Variants in ABCA13 observed in about 807,000 individuals in gnomAD.
ABCA13 encodes ATP-binding cassette sub-family A member 13.
A neutral mutation model predicts 478.7 loss-of-function variants in ABCA13; 476 were observed. That is an observed-to-expected ratio of 0.99 (90% CI 0.92 to 1.07). ABCA13 has a LOEUF of 1.07. Ranked by LOEUF, ABCA13 falls within the 50% of genes least tolerant of loss-of-function variation. ABCA13 has a pLI of 0.00. For missense variants in ABCA13, 6,060 were observed against 5,910.6 expected, an observed-to-expected ratio of 1.03 and a Z score of -0.83; for synonymous variants, 2,252 against 2,158.9, an observed-to-expected ratio of 1.04 and a Z score of -1.20.
Position 48,276,576 on chromosome 7 carries a change from T to G in ABCA13, c.6899+11T>G. The G allele has an allele frequency of 6.2e-7, 1 of 1,607,048 alleles. No individual in the cohort carries two copies. The highest frequency in any genetic ancestry group is 8.5e-7 in the Non-Finnish European group (1 of 1,176,578). On this transcript the variant is annotated intron_variant, in intron 17 of 61. Transcript: ENST00000435803. Reference sequence around the variant, plus strand: ...TATTGCAGAGATGAGGTGAGTATACTTTTGCTTTGTGTCATATATGCAGTT... The same window carrying G: ...TATTGCAGAGATGAGGTGAGTATACGTTTGCTTTGTGTCATATATGCAGTT...
At chr7:48,405,495 CA>C (rs1028651149) in intron 39 of ABCA13, among the ~76,000 whole-genome samples, 1 of 152,226 alleles carries the variant, frequency 6.6e-6, no homozygotes, top group African/African-American at 2.4e-5. Flanking sequence ...ACCACCACTT[CA>C]AAAGATTGAT....
intron 5 of ABCA13, among the ~76,000 whole-genome samples, chr7:48,222,348 T>C (rs1787494656): frequency 6.6e-6 from 1 of 152,344 alleles, no homozygotes; most frequent in South Asian, 2.1e-4. Flanking sequence ...CTTGTGATGT[T>C]GTAGCTTACT....
chr7:48,580,109 C>A, intron 55 of ABCA13, 115 bp from the exon 56 acceptor site: 1 of 1,128,546 alleles, frequency 8.9e-7, no homozygotes, highest in Non-Finnish European at 1.2e-6. Context: ...GTGAAATGAA[C>A]TAATTGTTTT....
intron 42 of ABCA13, among the ~76,000 whole-genome samples, chr7:48,428,973 C>T (rs899214855): frequency 6.6e-6 from 1 of 152,172 alleles, no homozygotes; most frequent in Non-Finnish European, 1.5e-5. Flanking sequence ...CCATAGGCAA[C>T]CCCTAATGTA....
intron 4 of ABCA13, 139 bp downstream of exon 4, chr7:48,219,644 A>G: frequency 1.7e-6 from 2 of 1,155,832 alleles, no homozygotes; most frequent in Middle Eastern, 2.1e-4. Flanking sequence ...TTGATGGATG[A>G]GGCCAGCACC....
chr7:48,581,046 G>C (rs1788657246), intron 56 of ABCA13, among the ~76,000 whole-genome samples: 2 of 152,178 alleles, frequency 1.3e-5, no homozygotes, highest in South Asian at 4.1e-4. Flanking sequence ...TCAGGATGTT[G>C]TACCGTGAGC....
intron 42 of ABCA13, among the ~76,000 whole-genome samples, chr7:48,432,997 A>G (rs1822348220): frequency 6.6e-6 from 1 of 152,098 alleles, no homozygotes; most frequent in South Asian, 2.1e-4. Context: ...GAGGTATTGC[A>G]TATGTTGATT....
chr7:48,211,727 C>T (rs1477267411), intron 3 of ABCA13, among the ~76,000 whole-genome samples: 1 of 152,092 alleles, frequency 6.6e-6, no homozygotes, highest in Non-Finnish European at 1.5e-5. Context: ...AGCAGATTCT[C>T]ATCTAGCCTA....
chr7:48,295,962 T>C, intron 21 of ABCA13, 99 bp downstream of exon 21: 1 of 1,375,452 alleles, frequency 7.3e-7, no homozygotes, highest in South Asian at 1.8e-5. Context: ...GTGGTCTGTA[T>C]AATATACTCT....
intron 58 of ABCA13, among the ~76,000 whole-genome samples, chr7:48,608,588 A>G (rs568905955): frequency 3.3e-5 from 5 of 152,350 alleles, no homozygotes; most frequent in Non-Finnish European, 4.4e-5. Flanking sequence ...GTATATCAAC[A>G]GTGTCACTGG....
At chr7:48,396,997 T>G (rs1406614547) in intron 38 of ABCA13, among the ~76,000 whole-genome samples, 1 of 152,200 alleles carries the variant, frequency 6.6e-6, no homozygotes, top group Non-Finnish European at 1.5e-5. Context: ...CAGAATACGG[T>G]AGAGGCTTTT....
chr7:48,507,929 C>G lies in ABCA13; in HGVS notation c.13404C>G (p.Ile4468Met), dbSNP rs750287902. 2 of 1,613,412 alleles carry G rather than the reference C, an allele frequency of 1.2e-6. No individual in the cohort carries two copies. Among genetic ancestry groups the G allele is most frequent in the Admixed American group, 3.3e-5 (2 of 59,986 alleles). The stretch of plus-strand genomic sequence containing the variant: ...TCTGCATCGTGCTGGGATTCTCCAT[C>G]CTGTCTGCATCCATCGGCAGCTCTG... ...VALCIVLGFS[I>M]LSASIGSSVV... Residue 4468 changes from isoleucine to methionine, a missense_variant, in exon 50 of 62, where the codon ATC becomes ATG. Physicochemically the swap from Ile to Met is conservative, Grantham distance 10 (BLOSUM62 1). Around this residue, in one of 3 missense-constraint regions of ABCA13, gnomAD observed 1,627 missense variants for 1,571.0 expected, o/e 1.04. Coordinates refer to ENST00000435803, the MANE Select transcript of ABCA13 (RefSeq NM_152701.5).
In ABCA13 at chr7:48,463,708, G is replaced by A. The variant is rs550997570; in HGVS notation, c.12816-3248G>A. ...AAAGCTGGTTGGATCAGGAGAGGTC[G>A]AAAGACTGGAGCTGAGAGTGTAGGG... On this transcript the variant is annotated intron_variant, in intron 43 of 61. Transcript: ENST00000435803. 1.3e-4 allele frequency among the ~76,000 whole-genome samples: 20 copies of A among 152,034 alleles called. No individual in the cohort carries two copies. In the East Asian group the frequency reaches 3.9e-3, roughly 29 times the overall value.
At chr7:48,451,655 T>C (rs1296968042) in intron 42 of ABCA13, among the ~76,000 whole-genome samples, 2 of 152,220 alleles carry the variant, frequency 1.3e-5, no homozygotes, top group African/African-American at 4.8e-5. Flanking sequence ...TTAATTTTAC[T>C]GACTTGAAAG....
At chr7:48,355,810 A>G (rs955218795) in intron 31 of ABCA13, among the ~76,000 whole-genome samples, 7 of 152,016 alleles carry the variant, frequency 4.6e-5, no homozygotes, top group Non-Finnish European at 7.3e-5. Flanking sequence ...ATTATCTCTA[A>G]CTATAATAGA....
intron 42 of ABCA13, among the ~76,000 whole-genome samples, chr7:48,428,127 T>A (rs1269449304): frequency 6.6e-6 from 1 of 152,030 alleles, no homozygotes; most frequent in Non-Finnish European, 1.5e-5. Context: ...ATATAAAAAA[T>A]TTCTCAATGT....
intron 15 of ABCA13, among the ~76,000 whole-genome samples, chr7:48,254,546 ATCT>A (rs1321903454): frequency 6.6e-6 from 1 of 152,120 alleles, no homozygotes; most frequent in Non-Finnish European, 1.5e-5. Flanking sequence ...CTCTACATAA[ATCT>A]TTTTATTAAA....
At chr7:48,531,300 T>C (rs573296778) in intron 55 of ABCA13, among the ~76,000 whole-genome samples, 1 of 152,280 alleles carries the variant, frequency 6.6e-6, no homozygotes, top group East Asian at 1.9e-4. Context: ...CAGTTGGCTG[T>C]GAGTATTTGG....
At chr7:48,232,435 T>G (rs1789287889) in intron 7 of ABCA13, among the ~76,000 whole-genome samples, 1 of 152,114 alleles carries the variant, frequency 6.6e-6, no homozygotes, top group Non-Finnish European at 1.5e-5. Context: ...AAATAAACAA[T>G]TTTCTATTAA....
Sources: gnomAD v4.1 joint callset for allele counts (sites outside exome capture counted in the v4.1 genomes callset) on GRCh38, gnomAD v4.1.1 for gene constraint, gnomAD v4.1.1 regional missense constraint, MANE v1.5 for transcripts, NCBI Gene and HGNC (gene_info 2026-07-23, HGNC 2026-07-21) for gene names.